The following PCDH15 variants were observed in gnomAD, a reference collection of about 807,000 sequenced individuals.
PCDH15 encodes protocadherin related 15.
Under a neutral mutation model 178.5 loss-of-function variants are expected in PCDH15, and 129 were observed. The ratio of observed to expected loss-of-function variants is 0.72; its 90% CI spans 0.63 to 0.84. The LOEUF (loss-of-function observed/expected upper bound fraction) is 0.84. PCDH15 is among the 40% of genes least tolerant of loss of function. PCDH15 has a pLI of 0.00. For missense variants in PCDH15, 2,230 were observed against 2,099.9 expected (o/e 1.06, Z -1.21); for synonymous variants, 800 against 732.0 (o/e 1.09, Z -1.50).
chr10:55,013,248 C>A (rs921091184), intron 2 of PCDH15, among the ~76,000 whole-genome samples: 18 of 152,114 alleles, frequency 1.2e-4, no homozygotes, highest in African/African-American at 4.1e-4. Flanking sequence ...CCCTAAAGGG[C>A]AATTCTTCAT....
At chr10:54,871,663 G>A (rs1352882377) in intron 3 of PCDH15, among the ~76,000 whole-genome samples, 1 of 151,844 alleles carries the variant, frequency 6.6e-6, no homozygotes, top group Non-Finnish European at 1.5e-5. Context: ...CAATCTATTA[G>A]GTTAGGTTGA....
chr10:55,169,451 C>T (rs1411802779), intron 1 of PCDH15, among the ~76,000 whole-genome samples: 1 of 152,158 alleles, frequency 6.6e-6, no homozygotes, highest in Non-Finnish European at 1.5e-5. Context: ...CATTTCAACC[C>T]TTTAAAGGTG....
chr10:55,596,137 G>A (rs1842930800), intron 2 of PCDH15, among the ~76,000 whole-genome samples: 1 of 151,944 alleles, frequency 6.6e-6, no homozygotes, highest in Non-Finnish European at 1.5e-5. Flanking sequence ...GATTAGAACC[G>A]TCTTTCTCAG....
intron 1 of PCDH15, among the ~76,000 whole-genome samples, chr10:54,733,924 A>G (rs545185321): frequency 6.6e-6 from 1 of 151,708 alleles, no homozygotes; most frequent in Non-Finnish European, 1.5e-5. Flanking sequence ...TGTACTTCAC[A>G]TTTTTTATCA....
At chr10:54,672,701 A>C (rs929447937) in intron 1 of PCDH15, among the ~76,000 whole-genome samples, 1 of 149,618 alleles carries the variant, frequency 6.7e-6, no homozygotes, top group African/African-American at 2.5e-5. Context: ...ATATTTTGAA[A>C]AGAAATGTAA....
chr10:55,135,574 C>CTTTTTTTTTTTTTT (rs56956557), intron 2 of PCDH15, among the ~76,000 whole-genome samples: 4 of 68,220 alleles, frequency 5.9e-5, no homozygotes, highest in African/African-American at 1.1e-4. Flanking sequence ...TCTTTTCTTT[C>CTTTTTTTTTTTTTT]TTTTTTTTTT....
At chr10:54,726,429 T>G (rs112629159) in intron 1 of PCDH15, among the ~76,000 whole-genome samples, 734 of 89,384 alleles carry the variant, frequency 8.2e-3, no homozygotes, top group African/African-American at 0.029. Context: ...GGTGTGTGTG[T>G]GTGTGTGTGT....
chr10:54,270,478 T>C (rs868854131), intron 8 of PCDH15, among the ~76,000 whole-genome samples: 25 of 152,244 alleles, frequency 1.6e-4, no homozygotes, highest in South Asian at 4.1e-4. Flanking sequence ...TGGGAATTCA[T>C]TGAAGGAAGG....
intron 2 of PCDH15, among the ~76,000 whole-genome samples, chr10:55,563,614 T>G (rs774532998): frequency 2.1e-4 from 32 of 151,310 alleles, no homozygotes; most frequent in Non-Finnish European, 2.7e-4. Flanking sequence ...GTATGGCTCA[T>G]TTAAAGAAAA....
At chr10:54,586,121 A>C (rs2091447032) in intron 2 of PCDH15, among the ~76,000 whole-genome samples, 1 of 152,286 alleles carries the variant, frequency 6.6e-6, no homozygotes, top group African/African-American at 2.4e-5. Context: ...TCTGTAATAT[A>C]ATTTTCTTTG....
At chr10:55,314,639 A>G (rs1427140942) in intron 1 of PCDH15, among the ~76,000 whole-genome samples, 3 of 152,044 alleles carry the variant, frequency 2.0e-5, no homozygotes, top group Non-Finnish European at 4.4e-5. Context: ...TATAGTCACT[A>G]CCAAGAGACA....
intron 7 of PCDH15, among the ~76,000 whole-genome samples, chr10:54,328,019 G>A (rs1938555195): frequency 6.6e-6 from 1 of 151,910 alleles, no homozygotes; most frequent in Admixed American, 6.6e-5. Flanking sequence ...GATCACCGTT[G>A]GTGTTGTACA....
intron 2 of PCDH15, among the ~76,000 whole-genome samples, chr10:55,535,974 A>AAT (rs1841570455): frequency 6.6e-6 from 1 of 152,138 alleles, no homozygotes; most frequent in African/African-American, 2.4e-5. Flanking sequence ...GCATTTTAAA[A>AAT]ATATATATAT....
At chr10:54,028,479 A>G (rs973030621) in intron 18 of PCDH15, among the ~76,000 whole-genome samples, 11 of 152,076 alleles carry the variant, frequency 7.2e-5, no homozygotes, top group African/African-American at 2.4e-4. Flanking sequence ...CTATAAAGAC[A>G]CATGCACACA....
intron 2 of PCDH15, among the ~76,000 whole-genome samples, chr10:55,070,060 G>A (rs1841687457): frequency 6.6e-6 from 1 of 151,276 alleles, no homozygotes; most frequent in Admixed American, 6.6e-5. Flanking sequence ...GTGTTTTTTG[G>A]CTGCATAAAT....
chr10:53,888,702 T>TATATATATATATATATATA (rs1554845542), intron 26 of PCDH15, among the ~76,000 whole-genome samples: 1,808 of 46,152 alleles, frequency 0.039, 571 homozygotes, highest in Middle Eastern at 0.071. Flanking sequence ...TATATATATA[T>TATATATATATATATATATA]ATCTCCTGTG....
At chr10:54,113,801 T>C (rs1215802282) in intron 15 of PCDH15, among the ~76,000 whole-genome samples, 1 of 152,162 alleles carries the variant, frequency 6.6e-6, no homozygotes, top group Non-Finnish European at 1.5e-5. Flanking sequence ...ATTAGTTTTT[T>C]TCACACTGCT....
chr10:54,821,530 T>C (rs935522025), intron 3 of PCDH15, among the ~76,000 whole-genome samples: 1 of 152,070 alleles, frequency 6.6e-6, no homozygotes, highest in Non-Finnish European at 1.5e-5. Context: ...AATCACAATA[T>C]ATAGAAAAAA....
intron 2 of PCDH15, among the ~76,000 whole-genome samples, chr10:55,592,275 G>A (rs1319319671): frequency 1.3e-5 from 2 of 152,090 alleles, no homozygotes; most frequent in African/African-American, 4.8e-5. Flanking sequence ...TGATGTCAGT[G>A]GGGTTCAGCC....
Sources: allele counts gnomAD v4.1 joint callset (sites outside exome capture counted in the v4.1 genomes callset), GRCh38; gene constraint gnomAD v4.1.1; transcripts MANE v1.5; gene names NCBI Gene and HGNC (gene_info 2026-07-23, HGNC 2026-07-21).